The following THRAP3 variants were observed in gnomAD, a reference collection of about 807,000 sequenced individuals.
The protein encoded by THRAP3 is thyroid hormone receptor associated protein 3, also known as thyroid hormone receptor-associated protein 3.
THRAP3 carries 16 observed loss-of-function variants against 101.0 expected under a neutral mutation model. That is an observed-to-expected ratio of 0.16 (90% CI 0.11 to 0.24). THRAP3 has a LOEUF of 0.24. THRAP3 is among the 10% of genes least tolerant of loss of function. The pLI, the probability that THRAP3 is intolerant of heterozygous loss-of-function variation, is 1.00. For synonymous variants in THRAP3, 407 were observed against 422.6 expected, an observed-to-expected ratio of 0.96 and a Z score of 0.45; for missense variants, 989 against 1,202.7, an observed-to-expected ratio of 0.82 and a Z score of 2.63.
chr1:36,208,864 G>A, the THRAP3 span, among the ~76,000 whole-genome samples: 12 of 150,626 alleles, frequency 8.0e-5, no homozygotes, highest in Middle Eastern at 3.5e-3. Flanking sequence ...ACGGGGTTTC[G>A]CCATGTTGGC....
rs1646066396 is a variant in THRAP3 at position 36,304,151 on chromosome 1, C to T, written c.*134C>T. 3 of 1,347,476 alleles carry T rather than the reference C, an allele frequency of 2.2e-6. No individual in the cohort carries two copies. Among genetic ancestry groups the T allele is most frequent in the Non-Finnish European group, 2.9e-6 (3 of 1,018,570 alleles). The allele number at this position is 1,347,476 out of a possible 1,614,324, so 83.5% of individuals were successfully genotyped here. On this transcript the variant is annotated 3_prime_UTR_variant, in exon 12 of 12. Coordinates refer to ENST00000354618, the MANE Select transcript of THRAP3 (RefSeq NM_005119.4). The stretch of plus-strand genomic sequence containing the variant: ...CCCCCCACCAGCCGCACAGATTGTA[C>T]TACCGCGAGAGGCATCCCTGGCGCT...
At chr1:36,303,360 A>ATAT (rs1646054444) in intron 11 of THRAP3, among the ~76,000 whole-genome samples, 1 of 152,056 alleles carries the variant, frequency 6.6e-6, no homozygotes, top group Non-Finnish European at 1.5e-5. Context: ...TTGAGAGAGG[A>ATAT]TATACTAAAT....
At chr1:36,233,186 G>T (rs982647812) in intron 1 of THRAP3, among the ~76,000 whole-genome samples, 1 of 150,208 alleles carries the variant, frequency 6.7e-6, no homozygotes, top group Admixed American at 6.6e-5. Context: ...GTATTCTTAA[G>T]ATGTGTACAT....
At chr1:36,303,747 G>A in intron 11 of THRAP3, 49 bp from the exon 12 acceptor site, 1 of 1,612,620 alleles carries the variant, frequency 6.2e-7, no homozygotes, top group Admixed American at 1.7e-5. Context: ...GAGAGCTCTG[G>A]CCACATCTTG....
At chr1:36,256,607 A>G (rs1399206852) in intron 1 of THRAP3, among the ~76,000 whole-genome samples, 1 of 152,166 alleles carries the variant, frequency 6.6e-6, no homozygotes, top group Non-Finnish European at 1.5e-5. Flanking sequence ...AGCAGCGAGC[A>G]TGTATCATTG....
rs1448276836 is a variant in THRAP3, at chr1:36,303,163, C to T, written c.2647-633C>T. Among the ~76,000 whole-genome samples the T allele has an allele frequency of 2.0e-5, 3 of 148,988 alleles. No homozygotes were observed. The South Asian group carries it at 6.4e-4, about 32-fold the overall frequency. On this transcript the variant is annotated intron_variant, in intron 11 of 11. Transcript: ENST00000354618. ...ATTTTAGTAGAGACGGGGTTTTCAC[C>T]GTATAGCCCAGGCTGGTCTCGAAAT...
chr1:36,214,043 A>C, the THRAP3 span, among the ~76,000 whole-genome samples: 1 of 131,508 alleles, frequency 7.6e-6, no homozygotes, highest in Admixed American at 7.4e-5. Context: ...AGAAAGAAAG[A>C]AAGAAAGAAA....
At position 36,265,221 on chromosome 1, in the gene THRAP3, G is replaced by A. The variant is rs1056185165; in HGVS notation, c.-32+5737G>A. On this transcript the variant is annotated intron_variant, in intron 2 of 11. Coordinates refer to ENST00000354618, the MANE Select transcript of THRAP3 (RefSeq NM_005119.4). ...GTATGGTACATTTGTCCCAATTAATGAACCAGTATGAAACTTTATTATTAA... is the reference window on the plus strand; with the variant it reads ...GTATGGTACATTTGTCCCAATTAATAAACCAGTATGAAACTTTATTATTAA... Among the ~76,000 whole-genome samples, 3 of 152,130 alleles carry A rather than the reference G, an allele frequency of 2.0e-5. No homozygotes were observed. The South Asian group carries it at 6.2e-4, about 32-fold the overall frequency.
the THRAP3 span, among the ~76,000 whole-genome samples, chr1:36,210,746 A>ATATCATATATATATCATATATATATATC: frequency 3.0e-5 from 3 of 98,870 alleles, no homozygotes; most frequent in Non-Finnish European, 4.0e-5. Context: ...TCATATATAT[A>ATATCATATATATATCATATATATATATC]AAGTGTCAGC....
intron 2 of THRAP3, among the ~76,000 whole-genome samples, chr1:36,266,070 C>A (rs1247170861): frequency 6.6e-6 from 1 of 150,820 alleles, no homozygotes; most frequent in East Asian, 2.0e-4. Flanking sequence ...AGGGGAATTG[C>A]TTGAACCTGG....
At chr1:36,229,298 G>A (rs7552431) in intron 1 of THRAP3, among the ~76,000 whole-genome samples, 133,895 of 151,702 alleles carry the variant, frequency 0.88, 61,511 homozygotes, top group Non-Finnish European at 1. Flanking sequence ...GGGTTTCACC[G>A]TGTTAGCCAA....
At chr1:36,208,083 G>T in the THRAP3 span, among the ~76,000 whole-genome samples, 1 of 152,100 alleles carries the variant, frequency 6.6e-6, no homozygotes, top group African/African-American at 2.4e-5. Flanking sequence ...ATGAGCCACC[G>T]CAGCCAGCCA....
intron 1 of THRAP3, among the ~76,000 whole-genome samples, chr1:36,234,807 C>CTTTTTTTTTTTTTT (rs35278020): frequency 6.9e-5 from 5 of 72,482 alleles, no homozygotes; most frequent in African/African-American, 1.7e-4. Flanking sequence ...CTGTTTCAGT[C>CTTTTTTTTTTTTTT]TTTTTTTTTT....
At chr1:36,257,751 T>C (rs1370069674) in intron 1 of THRAP3, among the ~76,000 whole-genome samples, 1 of 152,230 alleles carries the variant, frequency 6.6e-6, no homozygotes, top group African/African-American at 2.4e-5. Context: ...ATAGGAAATA[T>C]GATGGAGTAA....
At chr1:36,236,757 C>T (rs916741737) in intron 1 of THRAP3, among the ~76,000 whole-genome samples, 7 of 152,218 alleles carry the variant, frequency 4.6e-5, no homozygotes, top group African/African-American at 1.7e-4. Flanking sequence ...TCTCAGCCCA[C>T]AATGGACATG....
At chr1:36,249,373 A>G (rs1407446362) in intron 1 of THRAP3, among the ~76,000 whole-genome samples, 1 of 151,752 alleles carries the variant, frequency 6.6e-6, no homozygotes, top group East Asian at 1.9e-4. Context: ...TTGTATTTTT[A>G]GTAGAGACAG....
At chr1:36,210,594 G>A in the THRAP3 span, among the ~76,000 whole-genome samples, 1 of 139,504 alleles carries the variant, frequency 7.2e-6, no homozygotes, top group African/African-American at 2.7e-5. Flanking sequence ...GGGAGCTGAG[G>A]CAGGGAAATT....
intron 2 of THRAP3, 92 bp from the exon 3 acceptor site, chr1:36,282,441 A>C: frequency 1.0e-6 from 1 of 958,072 alleles, no homozygotes; most frequent in Non-Finnish European, 1.5e-6. Context: ...CAAGTTGCCC[A>C]GATTAAAAGA....
chr1:36,214,948 G>A, the THRAP3 span, among the ~76,000 whole-genome samples: 1 of 151,246 alleles, frequency 6.6e-6, no homozygotes, highest in African/African-American at 2.4e-5. Flanking sequence ...TGGCCTGGGC[G>A]CGGTGGCTCA....
Sources: gnomAD v4.1 joint callset for allele counts (sites outside exome capture counted in the v4.1 genomes callset) on GRCh38, gnomAD v4.1.1 for gene constraint, MANE v1.5 for transcripts, NCBI Gene and HGNC (gene_info 2026-07-23, HGNC 2026-07-21) for gene names.